SERPINB2: variants seen among roughly 807,000 people sequenced by gnomAD.
The protein encoded by SERPINB2 is serpin family B member 2, also known as plasminogen activator inhibitor 2.
Under a neutral mutation model 39.4 loss-of-function variants are expected in SERPINB2, and 28 were observed. That is an observed-to-expected ratio of 0.71 (90% CI 0.53 to 0.97). The LOEUF (loss-of-function observed/expected upper bound fraction) is 0.97, where lower values mean the gene tolerates loss of function less well. SERPINB2 is among the 50% of genes least tolerant of loss of function. The pLI is 0.00. For synonymous variants in SERPINB2, 209 were observed against 175.1 expected (o/e 1.19, Z -1.53); for missense variants, 557 against 505.3 (o/e 1.10, Z -0.98).
intron 1 of SERPINB2, 39 bp from the exon 2 acceptor site, chr18:63,891,397 G>A (rs753613255): frequency 1.2e-6 from 2 of 1,607,916 alleles, no homozygotes; most frequent in South Asian, 1.1e-5. Context: ...GTTACCTTAT[G>A]TTTCAGAGCT....
rs368826006 is a variant in SERPINB2 at position 63,892,910 on chromosome 18, A to G, written c.168+1298A>G. Among the ~76,000 whole-genome samples the G allele has an allele frequency of 2.0e-4, 31 of 152,314 alleles. No homozygotes were observed. In the East Asian group the frequency reaches 5.8e-3, roughly 28 times the overall value. On this transcript the variant is annotated intron_variant, in intron 2 of 7. Transcript: ENST00000299502. ...AAATTGGCACAAAAGCTTTAGAAACATCAGGTCTTAGGTTTTTTTCTTTTT... is the reference window on the plus strand; with the variant it reads ...AAATTGGCACAAAAGCTTTAGAAACGTCAGGTCTTAGGTTTTTTTCTTTTT...
intron 2 of SERPINB2, among the ~76,000 whole-genome samples, chr18:63,892,115 A>G (rs900467496): frequency 1.4e-5 from 2 of 146,768 alleles, no homozygotes; most frequent in African/African-American, 5.2e-5. Flanking sequence ...CACAAAGGGA[A>G]AAAAAAAAAA....
intron 5 of SERPINB2, 89 bp from the exon 6 acceptor site, chr18:63,901,651 A>C (rs1267123452): frequency 8.8e-6 from 8 of 912,520 alleles, no homozygotes; most frequent in Non-Finnish European, 1.2e-5. Context: ...CAATTTGAAG[A>C]ATTTAGTTTG....
At chr18:63,892,899 G>A (rs528302048) in intron 2 of SERPINB2, among the ~76,000 whole-genome samples, 75 of 152,226 alleles carry the variant, frequency 4.9e-4, no homozygotes, top group African/African-American at 1.7e-3. Context: ...TGGCACAAAA[G>A]CTTTAGAAAC....
intron 5 of SERPINB2, among the ~76,000 whole-genome samples, chr18:63,900,302 T>C (rs1420416666): frequency 6.6e-6 from 1 of 152,116 alleles, no homozygotes; most frequent in Non-Finnish European, 1.5e-5. Flanking sequence ...GCTTGGGAAA[T>C]ATATTGAATG....
At position 63,901,871 on chromosome 18, in the gene SERPINB2, C is replaced by T. The variant is rs201195380; in HGVS notation, c.667C>T (p.Arg223Cys). 45 of 1,597,818 alleles carry T rather than the reference C, an allele frequency of 2.8e-5. No individual in the cohort carries two copies. Among genetic ancestry groups the T allele is most frequent in the Non-Finnish European group, 2.8e-5 (33 of 1,175,354 alleles). The stretch of plus-strand genomic sequence containing the variant: ...GAAACTAAATGGGCTTTATCCTTTC[C>T]GTGTAAACTCGGTATGAGACAACAA... ...EKKLNGLYPF[R>C]VNSAQRTPVQ... The change falls in exon 6 of 8, where the codon CGT (arginine) becomes TGT (cysteine). Residue 223 changes from arginine (R) to cysteine (C), a missense_variant. By Grantham distance (180) the Arg-to-Cys change is radical. Transcript: ENST00000299502.
chr18:63,902,951 C>A lies in SERPINB2; in HGVS notation c.894C>A (p.Asp298Glu), dbSNP rs199563173. The stretch of plus-strand genomic sequence containing the variant: ...AACTCAACAAGTGGACCAGCAAAGA[C>A]AAAATGGCTGAAGATGAAGTTGAGG... ...YDKLNKWTSK[D>E]KMAEDEVEVY... Residue 298 changes from aspartate (D) to glutamate (E), a missense_variant, in exon 8 of 8, where the codon GAC (aspartate) becomes GAA (glutamate). Transcript: ENST00000299502. 5 of 1,613,116 alleles carry A rather than the reference C, an allele frequency of 3.1e-6. No homozygotes were observed. In the East Asian group the frequency reaches 8.9e-5, roughly 29 times the overall value.
At chr18:63,900,309 A>G (rs1463022543) in intron 5 of SERPINB2, among the ~76,000 whole-genome samples, 1 of 152,192 alleles carries the variant, frequency 6.6e-6, no homozygotes, top group East Asian at 1.9e-4. Context: ...AAATATATTG[A>G]ATGTATATAT....
intron 1 of SERPINB2, among the ~76,000 whole-genome samples, chr18:63,889,384 A>G (rs1377091317): frequency 1.3e-5 from 2 of 152,202 alleles, no homozygotes; most frequent in African/African-American, 2.4e-5. Context: ...ATTCTAACTT[A>G]GTATTAACAG....
chr18:63,893,915 G>A (rs2049942744), intron 2 of SERPINB2, among the ~76,000 whole-genome samples: 1 of 152,206 alleles, frequency 6.6e-6, no homozygotes, highest in South Asian at 2.1e-4. Context: ...ACACAGTTGA[G>A]AATTGCTGTA....
intron 2 of SERPINB2, among the ~76,000 whole-genome samples, chr18:63,894,597 T>C (rs938084380): frequency 2.0e-5 from 3 of 151,964 alleles, no homozygotes; most frequent in Non-Finnish European, 4.4e-5. Context: ...GGCAGCAGTG[T>C]TGTGGGAAGG....
In SERPINB2 at chr18:63,892,113, G is replaced by GA. The variant is rs763961993; in HGVS notation, c.168+514dup. Among the ~76,000 whole-genome samples, 1,096 of 139,222 alleles carry GA rather than the reference G, an allele frequency of 7.9e-3. 6 individuals are homozygous for GA. Among genetic ancestry groups the GA allele is most frequent in the African/African-American group, 0.021 (791 of 38,176 alleles). 91.3% of individuals were successfully genotyped at this position (139,222 alleles called of 152,430 possible). ...TAATGTTAAGAGAGTATCACAAAGG[G>GA]AAAAAAAAAAAAACATACCAGGGTG... On this transcript the variant is annotated intron_variant, in intron 2 of 7. Coordinates refer to ENST00000299502, the MANE Select transcript of SERPINB2 (RefSeq NM_002575.3).
intron 1 of SERPINB2, among the ~76,000 whole-genome samples, chr18:63,889,121 C>G (rs1044216936): frequency 6.6e-6 from 1 of 152,160 alleles, no homozygotes; most frequent in Non-Finnish European, 1.5e-5. Flanking sequence ...TGTGCAATCT[C>G]TATTTTCATA....
At chr18:63,898,716 G>A (rs529605915) in intron 5 of SERPINB2, among the ~76,000 whole-genome samples, 1 of 152,168 alleles carries the variant, frequency 6.6e-6, no homozygotes, top group Non-Finnish European at 1.5e-5. Flanking sequence ...CACAGGAAAG[G>A]CATCTGACTG....
rs2049997020 is a variant in SERPINB2, at chr18:63,902,352, T to A, written c.679-52T>A. The A allele has an allele frequency of 2.1e-6, 3 of 1,445,008 alleles. No homozygotes were observed. The Admixed American group carries it at 7.1e-5, about 34-fold the overall frequency. 89.5% of individuals were successfully genotyped at this position (1,445,008 alleles called of 1,614,324 possible). ...ATCCTCCTTTATGTCTAATTGTAAA[T>A]CTCTTGATATCTTATAATCGACTTC... On this transcript the variant is annotated intron_variant, in intron 6 of 7. Transcript: ENST00000299502.
intron 3 of SERPINB2, among the ~76,000 whole-genome samples, chr18:63,895,667 A>T (rs1253079796): frequency 1.3e-5 from 2 of 152,220 alleles, no homozygotes; most frequent in Non-Finnish European, 2.9e-5. Context: ...AATTTATCAT[A>T]AATCCACAGT....
At chr18:63,895,727 G>A (rs1169112022) in intron 3 of SERPINB2, among the ~76,000 whole-genome samples, 1 of 152,174 alleles carries the variant, frequency 6.6e-6, no homozygotes, top group Non-Finnish European at 1.5e-5. Flanking sequence ...AGAGGAGAGA[G>A]GGTAGGGACT....
rs761682552 is a variant in SERPINB2 at position 63,895,315 on chromosome 18, G to A, written c.220G>A (p.Glu74Lys). 4 of 1,614,104 alleles carry A rather than the reference G, an allele frequency of 2.5e-6. No individual in the cohort carries two copies. The highest frequency in any genetic ancestry group is 3.3e-4 in the Middle Eastern group (2 of 6,058). The change falls in exon 3 of 8, where the codon GAG becomes AAG. Residue 74 changes from glutamate (E) to lysine (K), a missense_variant. Physicochemically the swap from Glu to Lys is moderately conservative, Grantham distance 56 (BLOSUM62 1). Coordinates refer to ENST00000299502, the MANE Select transcript of SERPINB2 (RefSeq NM_002575.3). The stretch of plus-strand genomic sequence containing the variant: ...CAATGCAGTTACCCCCATGACTCCA[G>A]AGAACTTTACCAGCTGTGGGTTCAT... The part of the protein sequence containing the change: ...GANAVTPMTP[E>K]NFTSCGFMQQ...
intron 5 of SERPINB2, among the ~76,000 whole-genome samples, chr18:63,901,102 T>C (rs1409361304): frequency 6.6e-6 from 1 of 152,172 alleles, no homozygotes; most frequent in Non-Finnish European, 1.5e-5. Flanking sequence ...TCTGTCAATC[T>C]TCTCGGGCTT....
Sources: allele counts gnomAD v4.1 joint callset (sites outside exome capture counted in the v4.1 genomes callset), GRCh38; gene constraint gnomAD v4.1.1; transcripts MANE v1.5; gene names NCBI Gene and HGNC (gene_info 2026-07-23, HGNC 2026-07-21).